Variants in TANC2 observed in about 807,000 individuals in gnomAD.
TANC2 encodes tetratricopeptide repeat, ankyrin repeat and coiled-coil containing 2, also known as protein TANC2.
A neutral mutation model predicts 210.5 loss-of-function variants in TANC2; 26 were observed. The ratio of observed to expected loss-of-function variants is 0.12; its 90% CI spans 0.09 to 0.17. The LOEUF is 0.17. TANC2 is among the 10% of genes least tolerant of loss of function. TANC2 has a pLI of 1.00. For synonymous variants in TANC2, 931 were observed against 967.1 expected (o/e 0.96, Z 0.69); for missense variants, 2,129 against 2,608.9 (o/e 0.82, Z 4.01).
intron 8 of TANC2, among the ~76,000 whole-genome samples, chr17:63,241,831 A>C (rs1252859475): frequency 1.3e-5 from 2 of 152,214 alleles, no homozygotes; most frequent in Non-Finnish European, 1.5e-5. Context: ...ATGTGTAAAA[A>C]TTCCGTGAGA....
At chr17:63,340,008 G>A (rs1020368542) in intron 11 of TANC2, 93 bp from the exon 12 acceptor site, 5 of 902,904 alleles carry the variant, frequency 5.5e-6, no homozygotes, top group East Asian at 2.6e-5. Context: ...GAGATACTAA[G>A]TGATTTCTAG....
intron 4 of TANC2, among the ~76,000 whole-genome samples, chr17:63,115,020 C>T (rs941396945): frequency 3.9e-5 from 6 of 152,158 alleles, no homozygotes; most frequent in Admixed American, 1.3e-4. Context: ...CAGAACTTTT[C>T]TGGTATCTCT....
At chr17:63,205,506 G>A (rs1451116797) in intron 7 of TANC2, among the ~76,000 whole-genome samples, 1 of 152,072 alleles carries the variant, frequency 6.6e-6, no homozygotes, top group African/African-American at 2.4e-5. Context: ...CATTGCATTT[G>A]GTATTGATTC....
intron 1 of TANC2, among the ~76,000 whole-genome samples, chr17:62,989,821 G>A (rs1420427796): frequency 6.9e-6 from 1 of 145,632 alleles, no homozygotes; most frequent in Non-Finnish European, 1.5e-5. Flanking sequence ...GCCCAGCCTG[G>A]AGTGCAGTGG....
intron 14 of TANC2, among the ~76,000 whole-genome samples, chr17:63,378,781 G>A (rs1017437126): frequency 6.6e-6 from 1 of 152,156 alleles, no homozygotes; most frequent in Non-Finnish European, 1.5e-5. Context: ...GTCTACACTG[G>A]TAGCCATAGA....
chr17:63,316,156 C>T (rs1398531865), intron 10 of TANC2, among the ~76,000 whole-genome samples: 1 of 152,176 alleles, frequency 6.6e-6, no homozygotes, highest in Non-Finnish European at 1.5e-5. Context: ...ATTCTGAGAA[C>T]ACATCTTCAT....
intron 7 of TANC2, among the ~76,000 whole-genome samples, chr17:63,222,291 A>G (rs2927293): frequency 0.07 from 10,718 of 152,250 alleles, 673 homozygotes; most frequent in African/African-American, 0.16. Context: ...GTTTTAGGAG[A>G]CACAAGCATA....
intron 3 of TANC2, among the ~76,000 whole-genome samples, chr17:63,096,674 T>C (rs2037398633): frequency 6.6e-6 from 1 of 152,180 alleles, no homozygotes; most frequent in Non-Finnish European, 1.5e-5. Flanking sequence ...TTGTTTCCAC[T>C]TTTTGGCTAT....
rs1210297877 is a variant in TANC2, at chr17:63,421,367, A to C, written c.5637A>C (p.Leu1879=). The stretch of plus-strand genomic sequence containing the variant: ...ATAGTATCTCCTCCACCTCCAACCT[A>C]ACTCCGACCTTCCGGCCATCTTCTT... The change falls in exon 28 of 28, where the codon CTA becomes CTC. Residue 1879 remains leucine, a synonymous_variant. Coordinates refer to ENST00000689528, the Ensembl canonical transcript of TANC2. This position sits in a 1 kb window ranked among gnomAD's most constrained non-coding sequence, Gnocchi z 6.9. 5.0e-6 allele frequency: 8 copies of C among 1,613,776 alleles called. No homozygotes were observed. In the South Asian group the frequency reaches 8.8e-5, roughly 18 times the overall value.
intron 7 of TANC2, among the ~76,000 whole-genome samples, chr17:63,213,397 CT>C (rs1374317587): frequency 6.6e-6 from 1 of 152,210 alleles, no homozygotes. Context: ...CATTCTCTAG[CT>C]TTCGGTGTAC....
intron 2 of TANC2, among the ~76,000 whole-genome samples, chr17:63,025,821 T>TTAAAATAAAATAAAATAAAATAAAA (rs71357046): frequency 6.0e-4 from 85 of 141,510 alleles, no homozygotes; most frequent in African/African-American, 2.2e-3. Context: ...TAAAATTAAA[T>TTAAAATAAAATAAAATAAAATAAAA]TAAAATAAAA....
intron 19 of TANC2, among the ~76,000 whole-genome samples, chr17:63,400,350 G>C (rs2048304181): frequency 6.6e-6 from 1 of 152,144 alleles, no homozygotes; most frequent in Non-Finnish European, 1.5e-5. Flanking sequence ...AGAAGGGCGT[G>C]AATTAAATGG....
intron 2 of TANC2, among the ~76,000 whole-genome samples, chr17:63,025,084 T>A (rs1334864305): frequency 6.6e-6 from 1 of 152,228 alleles, no homozygotes; most frequent in Non-Finnish European, 1.5e-5. Flanking sequence ...CTATATGTTT[T>A]ATTATTTGAA....
Position 63,420,294 on chromosome 17 carries a change from C to T in TANC2, c.4564C>T (p.Pro1522Ser), listed in dbSNP as rs1319460082. 1 of 1,613,830 alleles carries T rather than the reference C, an allele frequency of 6.2e-7. No individual in the cohort carries two copies. Among genetic ancestry groups the T allele is most frequent in the South Asian group, 1.1e-5 (1 of 91,068 alleles). ...AGAGGCCCGGCCCAGCCAGGGGCTC[C>T]CGGTCATCCAGAGCCCACCCTCCTC... Residue 1522 changes from proline to serine, a missense_variant, in exon 28 of 28, where the codon CCG (proline) becomes TCG (serine). By Grantham distance (74) the Pro-to-Ser change is moderately conservative. Around this residue, in one of 5 missense-constraint regions of TANC2, gnomAD observed 584 missense variants for 627.3 expected, o/e 0.93. Transcript: ENST00000689528. This position sits in a 1 kb window ranked among gnomAD's most constrained non-coding sequence, Gnocchi z 4.2.
chr17:63,332,422 G>T, intron 11 of TANC2: 1 of 333,302 alleles, frequency 3.0e-6, no homozygotes, highest in Non-Finnish European at 5.8e-6. Context: ...TACCCTGTTG[G>T]TAATGAACAG....
intron 1 of TANC2, among the ~76,000 whole-genome samples, chr17:62,982,460 C>T (rs2032352487): frequency 6.6e-6 from 1 of 152,110 alleles, no homozygotes; most frequent in Non-Finnish European, 1.5e-5. Flanking sequence ...TTTGATCTTT[C>T]AGTCCTTTGA....
At chr17:62,988,338 A>G (rs1326969766) in intron 1 of TANC2, among the ~76,000 whole-genome samples, 1 of 133,688 alleles carries the variant, frequency 7.5e-6, no homozygotes, top group East Asian at 2.1e-4. Context: ...GGGTTTCGCC[A>G]TGTTCACTAG....
intron 1 of TANC2, among the ~76,000 whole-genome samples, chr17:62,997,397 C>T (rs1270583664): frequency 1.3e-5 from 2 of 152,078 alleles, no homozygotes; most frequent in African/African-American, 2.4e-5. Context: ...GTTGTATTCT[C>T]CTGCAGAAAT....
At chr17:63,036,578 G>A (rs569135884) in intron 2 of TANC2, among the ~76,000 whole-genome samples, 32 of 152,170 alleles carry the variant, frequency 2.1e-4, no homozygotes, top group African/African-American at 4.8e-4. Context: ...CAAAATTGTC[G>A]TAGCTATTTT....
Sources: gnomAD v4.1 joint callset for allele counts (sites outside exome capture counted in the v4.1 genomes callset) on GRCh38, gnomAD v4.1.1 for gene constraint, gnomAD v4.1.1 regional missense constraint, Gnocchi (gnomAD v3.1) non-coding constraint, MANE v1.5 for transcripts, NCBI Gene and HGNC (gene_info 2026-07-23, HGNC 2026-07-21) for gene names.